BCAN: variants seen among roughly 807,000 people sequenced by gnomAD.
BCAN encodes brevican core protein.
BCAN carries 51 observed loss-of-function variants against 92.4 expected under a neutral mutation model. The observed-to-expected ratio is 0.55, with a 90% CI of 0.44 to 0.70. The LOEUF (loss-of-function observed/expected upper bound fraction) is 0.70. Ranked by LOEUF, BCAN falls within the 30% of genes least tolerant of loss-of-function variation. The pLI is 0.00. For synonymous variants in BCAN, 501 were observed against 505.2 expected (o/e 0.99, Z 0.11); for missense variants, 1,140 against 1,212.1 (o/e 0.94, Z 0.88).
At chr1:156,649,413 C>CT (rs1472017775) in intron 6 of BCAN, among the ~76,000 whole-genome samples, 1 of 151,728 alleles carries the variant, frequency 6.6e-6, no homozygotes, top group Admixed American at 6.6e-5. Context: ...TGGCTTGTTT[C>CT]TTTTTTTGAG....
At position 156,647,583 on chromosome 1, in the gene BCAN, G is replaced by A. The variant is rs759486942; in HGVS notation, c.542G>A (p.Arg181His). The A allele has an allele frequency of 6.2e-5, 100 of 1,612,656 alleles. No homozygotes were observed. Among genetic ancestry groups the A allele is most frequent in the East Asian group, 1.6e-4 (7 of 44,874 alleles). ...SFSGAQEACA[R>H]IGAHIATPEQ... ...TCTGGGGCCCAGGAGGCCTGTGCCC[G>A]CATTGGAGCCCACATCGCCACCCCG... The change falls in exon 4 of 14, where the codon CGC (arginine) becomes CAC (histidine). Residue 181 changes from arginine to histidine, a missense_variant. By Grantham distance (29) the Arg-to-His change is conservative. Coordinates refer to ENST00000329117, the MANE Select transcript of BCAN (RefSeq NM_021948.5). This position sits in a 1 kb window ranked among gnomAD's most constrained non-coding sequence, Gnocchi z 4.8.
At chr1:156,643,697 A>G (rs1233239308) in intron 1 of BCAN, 3 of 147,910 alleles carry the variant, frequency 2.0e-5, no homozygotes, top group Non-Finnish European at 4.5e-5. Context: ...GGTTGGGTCT[A>G]TGAAGACTGT....
intron 2 of BCAN, 40 bp from the exon 3 acceptor site, chr1:156,646,761 T>G: frequency 1.3e-6 from 2 of 1,505,752 alleles, no homozygotes; most frequent in Non-Finnish European, 1.8e-6. Context: ...ACTCTGAGGG[T>G]CGACAGCGTT....
At chr1:156,648,159 T>C (rs1384172741) in intron 5 of BCAN, 49 bp downstream of exon 5, 1 of 1,597,682 alleles carries the variant, frequency 6.3e-7, no homozygotes, top group Non-Finnish European at 8.6e-7. Flanking sequence ...ACTCCCATGC[T>C]GCCCATAGGT....
intron 1 of BCAN, chr1:156,643,698 T>G (rs976346716): frequency 1.0e-4 from 15 of 149,732 alleles, no homozygotes; most frequent in African/African-American, 3.7e-4. Flanking sequence ...GTTGGGTCTA[T>G]GAAGACTGTG....
At chr1:156,649,837 A>G in intron 6 of BCAN, 1 of 518,094 alleles carries the variant, frequency 1.9e-6, no homozygotes, top group Non-Finnish European at 3.9e-6. Flanking sequence ...CCCCAGTTTT[A>G]AGCCTGAAAT....
Position 156,658,692 on chromosome 1 carries a change from C to A in BCAN, c.2587C>A (p.Arg863Ser), listed in dbSNP as rs776289609. Residue 863 changes from arginine to serine, a missense_variant, in exon 13 of 14, where the codon CGT becomes AGT. Arg to Ser is a moderately radical substitution (Grantham distance 110). Around this residue, in one of 3 missense-constraint regions of BCAN, gnomAD observed 825 missense variants for 871.8 expected, o/e 0.95. Coordinates refer to ENST00000329117, the MANE Select transcript of BCAN (RefSeq NM_021948.5). This position sits in a 1 kb window ranked among gnomAD's most constrained non-coding sequence, Gnocchi z 4.4. ...LPLIRCQENG[R>S]WEAPQISCVP... ...GCTGATCCGATGCCAAGAGAACGGTCGTTGGGAGGCCCCCCAGATCTCCTG... is the reference window on the plus strand; with the variant it reads ...GCTGATCCGATGCCAAGAGAACGGTAGTTGGGAGGCCCCCCAGATCTCCTG... 2.5e-6 allele frequency: 4 copies of A among 1,614,126 alleles called. No individual in the cohort carries two copies. Among genetic ancestry groups the A allele is most frequent in the South Asian group, 2.2e-5 (2 of 91,068 alleles).
At position 156,652,568 on chromosome 1, in the gene BCAN, A is replaced by T; in HGVS notation, c.1618A>T (p.Thr540Ser). ...SRPPRVHGPP[T>S]ETLPTPRERN... is the part of the protein sequence containing the mutation. The stretch of plus-strand genomic sequence containing the variant: ...GCCTCCAAGGGTCCATGGACCACCT[A>T]CTGAGACTCTGCCCACTCCCAGGGA... Residue 540 changes from threonine (T) to serine (S), a missense_variant, in exon 8 of 14, where the codon ACT (threonine) becomes TCT (serine). By Grantham distance (58) the Thr-to-Ser change is moderately conservative. Transcript: ENST00000329117. 1 of 1,614,084 alleles carries T rather than the reference A, an allele frequency of 6.2e-7. No homozygotes were observed.
Position 156,652,834 on chromosome 1 carries a change from G to A in BCAN, c.1884G>A (p.Gln628=). The A allele has an allele frequency of 6.2e-7, 1 of 1,613,904 alleles. No individual in the cohort carries two copies. The highest frequency in any genetic ancestry group is 8.5e-7 in the Non-Finnish European group (1 of 1,180,016). Residue 628 remains glutamine (Q), a synonymous_variant, in exon 8 of 14, where the codon CAG becomes CAA. Coordinates refer to ENST00000329117, the MANE Select transcript of BCAN (RefSeq NM_021948.5). ...CAGCAGGGACCTCAGTGCAGGCCCA[G>A]CCAGTGCTGCCCACTGACAGCGCCA... ...TAPAGTSVQA[Q]PVLPTDSASR... is the part of the protein sequence containing the mutation.
At chr1:156,652,211 G>A in intron 7 of BCAN, 37 bp from the exon 8 acceptor site, 3 of 1,541,614 alleles carry the variant, frequency 1.9e-6, no homozygotes, top group African/African-American at 1.4e-5. Context: ...TTGGACAGAC[G>A]CTGTCCCTGG....
chr1:156,654,674 C>T (rs11580935), intron 8 of BCAN, among the ~76,000 whole-genome samples: 21 of 152,140 alleles, frequency 1.4e-4, no homozygotes, highest in Non-Finnish European at 2.1e-4. Flanking sequence ...AGCCTCTGTC[C>T]CCCAGGGTTG....
rs1679064556 is a variant in BCAN at position 156,648,701 on chromosome 1, C to T, written c.903C>T (p.Cys301=). The T allele has an allele frequency of 1.2e-6, 2 of 1,613,672 alleles. No homozygotes were observed. Among genetic ancestry groups the T allele is most frequent in the African/African-American group, 1.3e-5 (1 of 74,930 alleles). ...CCTGGGATGGTGGCCTGGACCACTG[C>T]AGCCCAGGGTGGCTAGCTGATGGCA... ...YAAWDGGLDH[C]SPGWLADGSV... The change falls in exon 6 of 14, where the codon TGC becomes TGT. Residue 301 remains cysteine (C), a synonymous_variant. Transcript: ENST00000329117.
At chr1:156,643,635 C>CACACAGAGAGAG (rs549293956) in intron 1 of BCAN, 25 of 103,852 alleles carry the variant, frequency 2.4e-4, no homozygotes, top group African/African-American at 8.0e-4. Context: ...CACACACACA[C>CACACAGAGAGAG]AGAGAGAGAG....
chr1:156,647,197 AGAGGGAGGGAGG>A lies in BCAN; in HGVS notation c.466+33_466+44del. The A allele has an allele frequency of 3.4e-5, 14 of 411,926 alleles. No homozygotes were observed. The highest frequency in any genetic ancestry group is 6.1e-5 in the Non-Finnish European group (13 of 213,516). The allele number at this position is 411,926 out of a possible 1,614,324, so 25.5% of individuals were successfully genotyped here. On this transcript the variant is annotated intron_variant, in intron 3 of 13. Coordinates refer to ENST00000329117, the MANE Select transcript of BCAN (RefSeq NM_021948.5). This position sits in a 1 kb window ranked among gnomAD's most constrained non-coding sequence, Gnocchi z 4.8. Reference sequence around the variant, plus strand: ...AAAGGTGAGAGGGCAGGGAGGTTCCAGAGGGAGGGAGGGAGGGAGGGAAGGGAGGACTCTTGC... The same window carrying A: ...AAAGGTGAGAGGGCAGGGAGGTTCCAGAGGGAGGGAAGGGAGGACTCTTGC...
In BCAN at chr1:156,658,587, G is replaced by C; in HGVS notation, c.2482G>C (p.Gly828Arg). The stretch of plus-strand genomic sequence containing the variant: ...GGAGCTGCCCCTGGCTCAAGTGTTC[G>C]GCCGCCCACGGCTGCGCTATGAGGT... ...PPELPLAQVF[G>R]RPRLRYEVDT... The change falls in exon 13 of 14, where the codon GGC (glycine) becomes CGC (arginine). Residue 828 changes from glycine to arginine, a missense_variant. Coordinates refer to ENST00000329117, the MANE Select transcript of BCAN (RefSeq NM_021948.5). This position sits in a 1 kb window ranked among gnomAD's most constrained non-coding sequence, Gnocchi z 4.4. 6.2e-7 allele frequency: 1 copy of C among 1,613,996 alleles called. No homozygotes were observed. Among genetic ancestry groups the C allele is most frequent in the Non-Finnish European group, 8.5e-7 (1 of 1,180,048 alleles).
rs574942413 is a variant in BCAN, at chr1:156,648,618, C to T, written c.820C>T (p.Arg274Trp). Residue 274 changes from arginine (R) to tryptophan (W), a missense_variant, in exon 6 of 14, where the codon CGG becomes TGG. Physicochemically the swap from Arg to Trp is moderately radical, Grantham distance 101. This residue lies in a region of BCAN where 825 missense variants were observed against 871.8 expected (regional missense o/e 0.95). Transcript: ENST00000329117. ...PPEKLTLEEA[R>W]AYCQERGAEI... is the part of the protein sequence containing the mutation. ...AGAGAAGCTGACATTGGAGGAAGCA[C>T]GGGCGTACTGCCAGGAGCGGGGTGC... is the stretch of plus-strand genomic sequence containing the variant. The T allele has an allele frequency of 1.4e-5, 22 of 1,607,668 alleles. No homozygotes were observed. The highest frequency in any genetic ancestry group is 1.2e-4 in the Admixed American group (7 of 59,898).
At chr1:156,656,583 G>C in intron 9 of BCAN, 194 bp downstream of exon 9, 1 of 452,028 alleles carries the variant, frequency 2.2e-6, no homozygotes. Flanking sequence ...TCTCATAGGG[G>C]GTCCATTTGA....
rs2102549776 is a variant in BCAN, at chr1:156,642,523, G to C, written c.-9+248G>C. ...GCAGCCCCCCTGCTGCTCGCAGTCTGATCAGCAACCCCTCGGGTCCTCGCA... is the reference window on the plus strand; with the variant it reads ...GCAGCCCCCCTGCTGCTCGCAGTCTCATCAGCAACCCCTCGGGTCCTCGCA... On this transcript the variant is annotated intron_variant, in intron 1 of 13. Coordinates refer to ENST00000329117, the MANE Select transcript of BCAN (RefSeq NM_021948.5). This position sits in a 1 kb window ranked among gnomAD's most constrained non-coding sequence, Gnocchi z 4.2. 1 of 152,502 alleles carries C rather than the reference G, an allele frequency of 6.6e-6. No individual in the cohort carries two copies. The highest frequency in any genetic ancestry group is 3.4e-3 in the Middle Eastern group (1 of 296). 9.4% of individuals were successfully genotyped at this position (152,502 alleles called of 1,614,324 possible). A position where few individuals can be genotyped will look rare whatever the true frequency, so the allele number is the denominator to read the frequency against.
Position 156,658,625 on chromosome 1 carries a change from T to A in BCAN, c.2520T>A (p.Leu840=). 6.2e-7 allele frequency: 1 copy of A among 1,614,102 alleles called. No individual in the cohort carries two copies. The highest frequency in any genetic ancestry group is 1.1e-5 in the South Asian group (1 of 91,086). ...PRLRYEVDTV[L]RYRCREGLAQ... ...TGCGCTATGAGGTGGACACTGTGCT[T>A]CGCTACCGGTGCCGGGAAGGACTGG... The change falls in exon 13 of 14, where the codon CTT becomes CTA. Residue 840 remains leucine, a synonymous_variant. Transcript: ENST00000329117. The surrounding 1 kb of genome is among the most constrained non-coding windows in gnomAD (Gnocchi z 4.4).
Sources: allele counts gnomAD v4.1 joint callset (sites outside exome capture counted in the v4.1 genomes callset), GRCh38; gene constraint gnomAD v4.1.1; regional missense constraint gnomAD v4.1.1; non-coding constraint Gnocchi (gnomAD v3.1); transcripts MANE v1.5; gene names NCBI Gene and HGNC (gene_info 2026-07-23, HGNC 2026-07-21).